ANAPC11: variants seen among roughly 807,000 people sequenced by gnomAD.
ANAPC11 encodes the protein anaphase-promoting complex subunit 11.
ANAPC11 carries 5 observed loss-of-function variants against 11.8 expected under a neutral mutation model. That is an observed-to-expected ratio of 0.42 (90% confidence interval 0.22 to 0.89). The LOEUF (loss-of-function observed/expected upper bound fraction) is 0.89. ANAPC11 is among the 40% of genes least tolerant of loss of function. ANAPC11 has a pLI of 0.28. For missense variants in ANAPC11, 68 were observed against 112.9 expected, an observed-to-expected ratio of 0.60 and a Z score of 1.80; for synonymous variants, 45 against 41.0, an observed-to-expected ratio of 1.10 and a Z score of -0.38.
rs1337490697 is a variant in ANAPC11, at chr17:81,900,235, C to T, written c.*170C>T. 2.8e-6 allele frequency: 3 copies of T among 1,056,004 alleles called. No homozygotes were observed. The highest frequency in any genetic ancestry group is 4.0e-6 in the Non-Finnish European group (3 of 741,776). 65.4% of individuals were successfully genotyped at this position (1,056,004 alleles called of 1,614,324 possible). A position where few individuals can be genotyped will look rare whatever the true frequency, so the allele number is the denominator to read the frequency against. On this transcript the variant is annotated 3_prime_UTR_variant, in exon 4 of 4. Transcript: ENST00000344877. ...CACTTTTATCCAATAAGTGAAAACT[C>T]ATTAAACTACTCAAATCTTGCTGGA... is the stretch of plus-strand genomic sequence containing the variant.
At position 81,899,473 on chromosome 17, in the gene ANAPC11, G is replaced by A. The variant is rs768857475; in HGVS notation, c.110-447G>A. ...CTACTCAGATGCACGTCTCCTTGGT[G>A]CCTTGACCATTCATGTGACCTTTTT... On this transcript the variant is annotated intron_variant, in intron 3 of 3. Transcript: ENST00000344877. 4 of 1,614,008 alleles carry A rather than the reference G, an allele frequency of 2.5e-6. No individual in the cohort carries two copies. The Admixed American group carries it at 5.0e-5, about 20-fold the overall frequency.
At chr17:81,891,067 C>T (rs1598292714), upstream of ANAPC11, 16 of 681,372 alleles carry the variant, frequency 2.3e-5, 1 homozygote, top group South Asian at 2.2e-4. Flanking sequence ...GTCCCCTCCT[C>T]TCCTGCCACG....
intron 3 of ANAPC11, among the ~76,000 whole-genome samples, chr17:81,895,143 C>T (rs1006166869): frequency 7.3e-5 from 11 of 150,806 alleles, no homozygotes; most frequent in African/African-American, 2.7e-4. Flanking sequence ...CAACCTCCGC[C>T]TCCTGGGCTC....
At chr17:81,894,614 C>G in intron 3 of ANAPC11, 28 bp downstream of exon 3, 2 of 1,521,114 alleles carry the variant, frequency 1.3e-6, no homozygotes, top group African/African-American at 2.8e-5. Context: ...GCTGTCTGAG[C>G]GGCCCCGACT....
intron 1 of ANAPC11, among the ~76,000 whole-genome samples, chr17:81,892,305 C>A (rs1268232938): frequency 6.6e-6 from 1 of 151,002 alleles, no homozygotes; most frequent in Non-Finnish European, 1.5e-5. Context: ...AGACCCCCAT[C>A]TCTAAAAAAA....
rs765487120 is a variant in ANAPC11, at chr17:81,899,288, G to A, written c.110-632G>A. 5.0e-6 allele frequency: 8 copies of A among 1,612,656 alleles called. No individual in the cohort carries two copies. The African/African-American group carries it at 5.3e-5, about 11-fold the overall frequency. ...TTTCTAGGTGTTTGGGCTGGTGCCC[G>A]CAGCCTGTGCCTGTCCTGGGAGGCA... On this transcript the variant is annotated intron_variant, in intron 3 of 3. Transcript: ENST00000344877.
chr17:81,897,014 T>G (rs1243842568), intron 3 of ANAPC11, among the ~76,000 whole-genome samples: 4 of 151,720 alleles, frequency 2.6e-5, no homozygotes, highest in Non-Finnish European at 5.9e-5. Context: ...TATTTATTTA[T>G]TTTCGAGACA....
chr17:81,899,138 C>T, intron 3 of ANAPC11: 1 of 1,241,198 alleles, frequency 8.1e-7, no homozygotes, highest in Non-Finnish European at 1.1e-6. Context: ...ACTTGCTGTG[C>T]TCTGTTGGCA....
upstream of ANAPC11, chr17:81,890,845 C>T (rs1414280020): frequency 7.4e-6 from 12 of 1,614,048 alleles, no homozygotes; most frequent in South Asian, 1.1e-5. Flanking sequence ...GCAACAAGAG[C>T]AGATCTGTGA....
At chr17:81,898,401 G>A (rs1415345036) in intron 3 of ANAPC11, 2 of 152,244 alleles carry the variant, frequency 1.3e-5, no homozygotes, top group Non-Finnish European at 2.9e-5. Context: ...TCCAGAGGGT[G>A]TTGCCCTGAA....
At chr17:81,897,792 A>G (rs1037243841) in intron 3 of ANAPC11, among the ~76,000 whole-genome samples, 12 of 152,190 alleles carry the variant, frequency 7.9e-5, no homozygotes, top group African/African-American at 2.9e-4. Context: ...ACAAAACTAC[A>G]TAAATTTTTA....
upstream of ANAPC11, chr17:81,891,292 A>T: frequency 9.2e-7 from 1 of 1,082,328 alleles, no homozygotes; most frequent in East Asian, 5.5e-5. Context: ...GCCCCCTCCC[A>T]CTCTCCGGCG....
At position 81,900,196 on chromosome 17, in the gene ANAPC11, C is replaced by T. The variant is rs1275495048; in HGVS notation, c.*131C>T. ...AGGGCTGGAGCTGCGTTTGTTTTGC[C>T]ATCACTATGTTGACACTTTTATCCA... On this transcript the variant is annotated 3_prime_UTR_variant, in exon 4 of 4. Transcript: ENST00000344877. 1.4e-6 allele frequency: 2 copies of T among 1,400,934 alleles called. No homozygotes were observed. Among genetic ancestry groups the T allele is most frequent in the Non-Finnish European group, 1.9e-6 (2 of 1,032,122 alleles). The allele number at this position is 1,400,934 out of a possible 1,614,324, so 86.8% of individuals were successfully genotyped here. A position where few individuals can be genotyped will look rare whatever the true frequency, so the allele number is the denominator to read the frequency against.
chr17:81,900,396 A>C (rs2039901350), downstream of ANAPC11: 1 of 391,346 alleles, frequency 2.6e-6, no homozygotes, highest in Non-Finnish European at 4.7e-6. Context: ...GAGGAGAAGG[A>C]GCAGGATCAG....
intron 3 of ANAPC11, chr17:81,898,141 G>A (rs1185634025): frequency 6.6e-6 from 1 of 152,272 alleles, no homozygotes; most frequent in East Asian, 1.9e-4. Flanking sequence ...TGCTCTTAAG[G>A]ATGTAACAAA....
chr17:81,895,173 GCCTT>G (rs1401488840), intron 3 of ANAPC11, among the ~76,000 whole-genome samples: 47 of 149,522 alleles, frequency 3.1e-4, no homozygotes, highest in Non-Finnish European at 2.9e-5. Flanking sequence ...TCCTGCCTCA[GCCTT>G]CCAAGTACCT....
intron 3 of ANAPC11, among the ~76,000 whole-genome samples, chr17:81,896,413 A>C (rs946734205): frequency 6.6e-6 from 1 of 151,902 alleles, no homozygotes; most frequent in African/African-American, 2.4e-5. Flanking sequence ...CAAGAGTGAA[A>C]CTCCATCTCA....
Position 81,900,183 on chromosome 17 carries a change from G to T in ANAPC11, c.*118G>T. ...CAAGGTGGAAACAAGGGCTGGAGCT[G>T]CGTTTGTTTTGCCATCACTATGTTG... On this transcript the variant is annotated 3_prime_UTR_variant, in exon 4 of 4. Transcript: ENST00000344877. The T allele has an allele frequency of 6.8e-7, 1 of 1,475,650 alleles. No individual in the cohort carries two copies. The highest frequency in any genetic ancestry group is 9.1e-7 in the Non-Finnish European group (1 of 1,093,718). 91.4% of individuals were successfully genotyped at this position (1,475,650 alleles called of 1,614,324 possible).
upstream of ANAPC11, chr17:81,890,900 C>A (rs1598292481): frequency 1.9e-6 from 3 of 1,589,028 alleles, no homozygotes; most frequent in East Asian, 4.5e-5. Flanking sequence ...ACTCCGGACC[C>A]TTCCTCTTCC....
Sources: allele counts gnomAD v4.1 joint callset (sites outside exome capture counted in the v4.1 genomes callset), GRCh38; gene constraint gnomAD v4.1.1; transcripts MANE v1.5; gene names NCBI Gene and HGNC (gene_info 2026-07-23, HGNC 2026-07-21).